TNIP3: variants seen among roughly 807,000 people sequenced by gnomAD.
TNIP3 encodes TNFAIP3 interacting protein 3, also known as TNFAIP3-interacting protein 3.
TNIP3 carries 34 observed loss-of-function variants against 54.1 expected under a neutral mutation model. The ratio of observed to expected loss-of-function variants is 0.63; its 90% CI spans 0.48 to 0.84. TNIP3 has a LOEUF of 0.84. Among genes scored for constraint, TNIP3 ranks in the 40% least tolerant of loss-of-function variants. TNIP3 has a pLI of 0.00. For synonymous variants in TNIP3, 134 were observed against 136.8 expected (o/e 0.98, Z 0.14); for missense variants, 366 against 387.6 (o/e 0.94, Z 0.47).
intron 10 of TNIP3, among the ~76,000 whole-genome samples, chr4:121,137,133 A>G (rs1050015015): frequency 6.6e-6 from 1 of 152,238 alleles, no homozygotes; most frequent in Admixed American, 6.5e-5. Flanking sequence ...TAATAATGAT[A>G]TATAAATGAC....
chr4:121,214,013 G>C (rs1726638527), intron 2 of TNIP3, among the ~76,000 whole-genome samples: 1 of 152,072 alleles, frequency 6.6e-6, no homozygotes, highest in South Asian at 2.1e-4. Context: ...ATTTTCCTTT[G>C]AAAGGAAACC....
At chr4:121,158,213 G>A (rs907515717) in intron 3 of TNIP3, among the ~76,000 whole-genome samples, 1 of 152,188 alleles carries the variant, frequency 6.6e-6, no homozygotes, top group African/African-American at 2.4e-5. Context: ...AGATGGAAGA[G>A]GAGGTTGCTC....
chr4:121,212,847 C>A (rs764269837), intron 2 of TNIP3, among the ~76,000 whole-genome samples: 4 of 152,006 alleles, frequency 2.6e-5, no homozygotes, highest in Non-Finnish European at 4.4e-5. Flanking sequence ...AATAAAGAGG[C>A]CAAAAGAATT....
intron 3 of TNIP3, among the ~76,000 whole-genome samples, chr4:121,174,058 A>G (rs1241908144): frequency 6.6e-6 from 1 of 152,174 alleles, no homozygotes; most frequent in Admixed American, 6.5e-5. Context: ...CTGAATATAA[A>G]ATCTCAACAT....
upstream of TNIP3, among the ~76,000 whole-genome samples, chr4:121,167,393 C>T (rs545240738): frequency 3.2e-3 from 493 of 152,148 alleles, 3 homozygotes; most frequent in Non-Finnish European, 5.2e-3. Flanking sequence ...TGGAAAGAGT[C>T]AGAGTTTCTG....
chr4:121,214,963 G>C (rs1442382043), intron 2 of TNIP3, among the ~76,000 whole-genome samples: 1 of 152,072 alleles, frequency 6.6e-6, no homozygotes, highest in African/African-American at 2.4e-5. Context: ...CACAGTTCTA[G>C]AATAATAAAG....
intron 2 of TNIP3, among the ~76,000 whole-genome samples, chr4:121,187,204 A>C (rs760317552): frequency 6.6e-6 from 1 of 152,192 alleles, no homozygotes; most frequent in Non-Finnish European, 1.5e-5. Flanking sequence ...CAAACAAAAA[A>C]AACACCCTAC....
intron 3 of TNIP3, among the ~76,000 whole-genome samples, chr4:121,171,898 T>C (rs1051805371): frequency 1.3e-5 from 2 of 151,952 alleles, no homozygotes; most frequent in South Asian, 2.1e-4. Flanking sequence ...GCCTGGCTAA[T>C]TTTTTTGTAT....
At chr4:121,185,423 T>A (rs1724961945) in intron 2 of TNIP3, among the ~76,000 whole-genome samples, 1 of 152,244 alleles carries the variant, frequency 6.6e-6, no homozygotes, top group Non-Finnish European at 1.5e-5. Context: ...CCCTTAATTC[T>A]GTTTTATTTT....
At chr4:121,151,917 T>C (rs1729783417) in intron 5 of TNIP3, among the ~76,000 whole-genome samples, 1 of 152,186 alleles carries the variant, frequency 6.6e-6, no homozygotes, top group African/African-American at 2.4e-5. Flanking sequence ...TACTGAGATG[T>C]TAGACAAATC....
At chr4:121,167,495 CT>C (rs1279127652), upstream of TNIP3, among the ~76,000 whole-genome samples, 2 of 152,106 alleles carry the variant, frequency 1.3e-5, no homozygotes, top group Non-Finnish European at 2.9e-5. Flanking sequence ...CAGAACACAA[CT>C]GGGCAAGCCT....
intron 2 of TNIP3, among the ~76,000 whole-genome samples, chr4:121,191,934 TA>T (rs1239460221): frequency 6.6e-6 from 1 of 152,246 alleles, no homozygotes; most frequent in Non-Finnish European, 1.5e-5. Flanking sequence ...GATAAGGACA[TA>T]ATTTTTATGA....
chr4:121,195,128 A>C (rs986985832), intron 2 of TNIP3, among the ~76,000 whole-genome samples: 1 of 152,166 alleles, frequency 6.6e-6, no homozygotes, highest in Non-Finnish European at 1.5e-5. Flanking sequence ...AGATTGTGCC[A>C]CTTCACTGCA....
chr4:121,223,460 G>A (rs72913772), intron 1 of TNIP3, among the ~76,000 whole-genome samples: 130 of 152,316 alleles, frequency 8.5e-4, no homozygotes, highest in African/African-American at 3.1e-3. Flanking sequence ...TAAAGTAGCT[G>A]AAAGATGGTT....
Position 121,193,974 on chromosome 4 carries a change from C to A in TNIP3, c.69-11178G>T, listed in dbSNP as rs115947561. ...TTAAGCCAAGACTGAGAAACTGACC[C>A]AGATTGTAAGAGAATAAAATTTATG... is the stretch of plus-strand genomic sequence containing the variant. On this transcript the variant is annotated intron_variant, in intron 2 of 12. Coordinates refer to the TNIP3 transcript ENST00000507879. Among the ~76,000 whole-genome samples, 1,276 of 152,136 alleles carry A rather than the reference C, an allele frequency of 8.4e-3. 16 individuals carry two copies. Among genetic ancestry groups the A allele is most frequent in the African/African-American group, 0.03 (1,233 of 41,496 alleles).
rs754227449 is a variant in TNIP3, at chr4:121,164,151, G to A, written c.-26C>T. 6.2e-7 allele frequency: 1 copy of A among 1,613,488 alleles called. No homozygotes were observed. Among genetic ancestry groups the A allele is most frequent in the East Asian group, 2.2e-5 (1 of 44,856 alleles). Reference sequence around the variant, plus strand: ...GGAAGCTGTTTTTCCTGGAGTCTTGGAAAGCAGAAAGAAAAACAGGGGAAA... The same window carrying A: ...GGAAGCTGTTTTTCCTGGAGTCTTGAAAAGCAGAAAGAAAAACAGGGGAAA... On this transcript the variant is annotated 5_prime_UTR_variant, in exon 1 of 11. Transcript: ENST00000057513.
At chr4:121,137,947 G>A (rs1289429942) in intron 10 of TNIP3, 1 of 456,014 alleles carries the variant, frequency 2.2e-6, no homozygotes, top group Non-Finnish European at 4.4e-6. Flanking sequence ...TTATAGCTCA[G>A]TTTATACAGC....
At chr4:121,169,856 T>C (rs186657697) in intron 3 of TNIP3, among the ~76,000 whole-genome samples, 1 of 152,344 alleles carries the variant, frequency 6.6e-6, no homozygotes. Context: ...TCTGAAACAA[T>C]GCTTCTATGC....
At chr4:121,216,494 A>G (rs1726799604) in exon 2 of TNIP3, 4 of 1,535,780 alleles carry the variant, frequency 2.6e-6, no homozygotes, top group South Asian at 2.4e-5. Flanking sequence ...AGCCATCCAC[A>G]TGGAATCTAA....
Sources: allele counts gnomAD v4.1 joint callset (sites outside exome capture counted in the v4.1 genomes callset), GRCh38; gene constraint gnomAD v4.1.1; transcripts MANE v1.5; gene names NCBI Gene and HGNC (gene_info 2026-07-23, HGNC 2026-07-21).